CACNA2D3: variants seen among roughly 807,000 people sequenced by gnomAD.
CACNA2D3 encodes voltage-dependent calcium channel subunit alpha-2/delta-3.
A neutral mutation model predicts 160.6 loss-of-function variants in CACNA2D3; 60 were observed. The observed-to-expected ratio is 0.37, with a 90% CI of 0.30 to 0.46. CACNA2D3 has a LOEUF of 0.46. CACNA2D3 is among the 20% of genes least tolerant of loss of function. The pLI is 1.00. For missense variants in CACNA2D3, 1,205 were observed against 1,365.0 expected, an observed-to-expected ratio of 0.88 and a Z score of 1.85; for synonymous variants, 558 against 492.9, an observed-to-expected ratio of 1.13 and a Z score of -1.75.
At chr3:54,325,776 G>A (rs540885189) in intron 3 of CACNA2D3, among the ~76,000 whole-genome samples, 1 of 152,330 alleles carries the variant, frequency 6.6e-6, no homozygotes, top group Non-Finnish European at 1.5e-5. Context: ...GACCTACTCA[G>A]TGATGAGCCA....
chr3:54,851,719 A>C (rs560480746), intron 17 of CACNA2D3, among the ~76,000 whole-genome samples: 1 of 152,380 alleles, frequency 6.6e-6, no homozygotes, highest in East Asian at 1.9e-4. Context: ...CACATCTAAA[A>C]GAATACAAAA....
chr3:54,904,079 C>G (rs941847598), intron 27 of CACNA2D3, among the ~76,000 whole-genome samples: 1 of 152,234 alleles, frequency 6.6e-6, no homozygotes, highest in Admixed American at 6.5e-5. Flanking sequence ...GTGCCCACAT[C>G]TGGCAAGAGC....
At chr3:55,068,826 G>C (rs1436209844) in intron 35 of CACNA2D3, among the ~76,000 whole-genome samples, 1 of 152,098 alleles carries the variant, frequency 6.6e-6, no homozygotes, top group East Asian at 1.9e-4. Context: ...GAGCATCTTT[G>C]TACATGACTT....
At position 55,019,412 on chromosome 3, in the gene CACNA2D3, A is replaced by AT. The variant is rs199704779; in HGVS notation, c.2987+1101dup. Among the ~76,000 whole-genome samples the AT allele has an allele frequency of 8.5e-3, 1,296 of 152,084 alleles. 23 individuals are homozygous for AT. Among genetic ancestry groups the AT allele is most frequent in the African/African-American group, 0.03 (1,245 of 41,496 alleles). The stretch of plus-strand genomic sequence containing the variant: ...ATAGATCAATTTAAAGATAATTACT[A>AT]TTTTTTATAATAAACTAAGTATATG... On this transcript the variant is annotated intron_variant, in intron 35 of 37. Transcript: ENST00000474759.
At chr3:54,476,755 T>G (rs1449528902) in intron 4 of CACNA2D3, among the ~76,000 whole-genome samples, 1 of 152,230 alleles carries the variant, frequency 6.6e-6, no homozygotes, top group African/African-American at 2.4e-5. Flanking sequence ...AACTAGGTTG[T>G]TTGTTTTCTT....
intron 11 of CACNA2D3, among the ~76,000 whole-genome samples, chr3:54,694,849 A>G (rs1700634997): frequency 6.6e-6 from 1 of 152,202 alleles, no homozygotes; most frequent in African/African-American, 2.4e-5. Flanking sequence ...AAGGAGAAAA[A>G]TAAGGTTTTC....
intron 4 of CACNA2D3, among the ~76,000 whole-genome samples, chr3:54,386,976 A>G (rs762420554): frequency 7.9e-5 from 12 of 152,282 alleles, no homozygotes; most frequent in African/African-American, 2.9e-4. Context: ...GGTGATGTCA[A>G]ACACTCACAT....
intron 27 of CACNA2D3, among the ~76,000 whole-genome samples, chr3:54,900,509 T>C (rs1194151941): frequency 6.6e-6 from 1 of 152,182 alleles, no homozygotes; most frequent in Non-Finnish European, 1.5e-5. Flanking sequence ...CCTAAAGGGC[T>C]GGCAACTACC....
intron 11 of CACNA2D3, among the ~76,000 whole-genome samples, chr3:54,660,552 C>T (rs1699950122): frequency 6.6e-6 from 1 of 152,196 alleles, no homozygotes; most frequent in Non-Finnish European, 1.5e-5. Flanking sequence ...ATCCTGTATT[C>T]TCAGTAGGCT....
chr3:54,802,070 T>C (rs1703002428), intron 13 of CACNA2D3, among the ~76,000 whole-genome samples: 1 of 152,224 alleles, frequency 6.6e-6, no homozygotes, highest in Admixed American at 6.5e-5. Context: ...TTTTATCTTA[T>C]CTTACCCCCT....
intron 2 of CACNA2D3, among the ~76,000 whole-genome samples, chr3:54,290,266 C>T (rs919039841): frequency 2.0e-5 from 3 of 152,200 alleles, no homozygotes; most frequent in Non-Finnish European, 4.4e-5. Context: ...ACAGACCCTT[C>T]TGAAAAGAAG....
intron 13 of CACNA2D3, among the ~76,000 whole-genome samples, chr3:54,778,675 T>A (rs1366114364): frequency 6.6e-6 from 1 of 152,220 alleles, no homozygotes; most frequent in Non-Finnish European, 1.5e-5. Context: ...TGTCGCATCC[T>A]CAATATATGA....
At chr3:54,842,384 G>A (rs950012656) in intron 16 of CACNA2D3, among the ~76,000 whole-genome samples, 1 of 152,098 alleles carries the variant, frequency 6.6e-6, no homozygotes, top group East Asian at 1.9e-4. Context: ...TTTTCAAGAT[G>A]AGCTAGGTAA....
chr3:54,680,464 A>G (rs918082863), intron 11 of CACNA2D3, among the ~76,000 whole-genome samples: 1 of 152,242 alleles, frequency 6.6e-6, no homozygotes, highest in Non-Finnish European at 1.5e-5. Flanking sequence ...CTTCTTCAAC[A>G]TGGCCCCTAC....
intron 5 of CACNA2D3, among the ~76,000 whole-genome samples, chr3:54,538,033 G>T (rs540750079): frequency 3.3e-5 from 5 of 152,148 alleles, no homozygotes; most frequent in South Asian, 2.1e-4. Context: ...GCTCCACCCT[G>T]CACAGTCACG....
At chr3:54,285,654 G>A (rs965336265) in intron 2 of CACNA2D3, among the ~76,000 whole-genome samples, 8 of 152,312 alleles carry the variant, frequency 5.3e-5, no homozygotes, top group African/African-American at 1.7e-4. Context: ...CCTGACCCCC[G>A]AGCAGCCTAA....
chr3:54,492,641 C>A (rs1701129137), intron 4 of CACNA2D3, among the ~76,000 whole-genome samples: 1 of 152,210 alleles, frequency 6.6e-6, no homozygotes, highest in African/African-American at 2.4e-5. Context: ...GTTGTCACCG[C>A]ACGAGGACGT....
intron 13 of CACNA2D3, among the ~76,000 whole-genome samples, chr3:54,774,624 T>G (rs1477690092): frequency 6.9e-6 from 1 of 143,942 alleles, no homozygotes; most frequent in African/African-American, 2.6e-5. Context: ...ACTTGCTCTT[T>G]GACTATTTTT....
At chr3:54,595,281 A>G (rs1194484257) in intron 9 of CACNA2D3, among the ~76,000 whole-genome samples, 2 of 151,950 alleles carry the variant, frequency 1.3e-5, no homozygotes, top group Non-Finnish European at 2.9e-5. Flanking sequence ...GTGGCTGTAC[A>G]TAGACAGGTC....
Sources: gnomAD v4.1 joint callset for allele counts (sites outside exome capture counted in the v4.1 genomes callset) on GRCh38, gnomAD v4.1.1 for gene constraint, MANE v1.5 for transcripts, NCBI Gene and HGNC (gene_info 2026-07-23, HGNC 2026-07-21) for gene names.